Variants in PDE10A observed in about 807,000 individuals in gnomAD.
The protein encoded by PDE10A is cAMP and cAMP-inhibited cGMP 3',5'-cyclic phosphodiesterase 10A.
A neutral mutation model predicts 97.7 loss-of-function variants in PDE10A; 39 were observed. That is an observed-to-expected ratio of 0.40 (90% CI 0.31 to 0.52). PDE10A has a LOEUF of 0.52. Among genes scored for constraint, PDE10A ranks in the 20% least tolerant of loss-of-function variants. The pLI is 0.56. For missense variants in PDE10A, 731 were observed against 1,047.8 expected (o/e 0.70, Z 4.17); for synonymous variants, 371 against 376.8 (o/e 0.98, Z 0.18).
At chr6:165,475,220 A>G (rs956899707) in intron 3 of PDE10A, among the ~76,000 whole-genome samples, 4 of 152,208 alleles carry the variant, frequency 2.6e-5, no homozygotes, top group African/African-American at 9.6e-5. Context: ...CTATAACAAA[A>G]CTGATTATAA....
chr6:165,789,680 G>A (rs1187005172), intron 1 of PDE10A, among the ~76,000 whole-genome samples: 4 of 152,172 alleles, frequency 2.6e-5, no homozygotes, highest in East Asian at 1.9e-4. Flanking sequence ...ATGAATTCCC[G>A]TGATAACAAA....
chr6:165,462,031 G>C (rs1374327696), intron 3 of PDE10A, among the ~76,000 whole-genome samples: 1 of 152,236 alleles, frequency 6.6e-6, no homozygotes, highest in Non-Finnish European at 1.5e-5. Flanking sequence ...CCAATCAGGA[G>C]AGTCTTCTGC....
intron 18 of PDE10A, among the ~76,000 whole-genome samples, chr6:165,367,377 C>A (rs1783848341): frequency 6.6e-6 from 1 of 151,744 alleles, no homozygotes; most frequent in South Asian, 2.1e-4. Flanking sequence ...ATACACAAAC[C>A]ATTACCAGTG....
chr6:165,925,357 T>C (rs1035250920), intron 1 of PDE10A, among the ~76,000 whole-genome samples: 3 of 152,208 alleles, frequency 2.0e-5, no homozygotes, highest in African/African-American at 7.2e-5. Context: ...ACCATGCACT[T>C]ACCCTAAGAC....
intron 1 of PDE10A, among the ~76,000 whole-genome samples, chr6:165,777,888 C>T (rs1046543843): frequency 1.3e-5 from 2 of 152,046 alleles, no homozygotes; most frequent in African/African-American, 4.8e-5. Flanking sequence ...TGCCTCTGCC[C>T]CCTAGAGGGC....
At chr6:165,877,030 A>G (rs965604105) in intron 1 of PDE10A, among the ~76,000 whole-genome samples, 1 of 152,200 alleles carries the variant, frequency 6.6e-6, no homozygotes, top group Non-Finnish European at 1.5e-5. Flanking sequence ...TTAGAGCACT[A>G]ATAACCTGGA....
intron 1 of PDE10A, among the ~76,000 whole-genome samples, chr6:165,924,493 T>G (rs968119824): frequency 6.6e-6 from 1 of 152,188 alleles, no homozygotes; most frequent in African/African-American, 2.4e-5. Flanking sequence ...GTGTGTACCA[T>G]TCATGGTCTC....
chr6:165,848,243 C>G (rs1006690610), intron 1 of PDE10A, among the ~76,000 whole-genome samples: 1 of 152,188 alleles, frequency 6.6e-6, no homozygotes, highest in African/African-American at 2.4e-5. Context: ...GTTCTGCGCA[C>G]TGGGACCAGG....
chr6:165,598,131 C>A (rs935070068), intron 1 of PDE10A, among the ~76,000 whole-genome samples: 4 of 152,174 alleles, frequency 2.6e-5, no homozygotes, highest in African/African-American at 9.7e-5. Context: ...AAAAAAACCC[C>A]AAACCTGTCA....
chr6:165,364,754 T>C (rs1783654232), intron 18 of PDE10A, among the ~76,000 whole-genome samples: 1 of 152,166 alleles, frequency 6.6e-6, no homozygotes, highest in South Asian at 2.1e-4. Flanking sequence ...AACTTAATAG[T>C]TATATTCTTT....
chr6:165,809,649 C>CCT (rs1779226861), intron 1 of PDE10A, among the ~76,000 whole-genome samples: 1 of 152,164 alleles, frequency 6.6e-6, no homozygotes. Context: ...CTCCAAAAAG[C>CCT]CTAGTGAGTG....
At chr6:165,336,903 C>T (rs1366259784) in intron 20 of PDE10A, among the ~76,000 whole-genome samples, 5 of 152,092 alleles carry the variant, frequency 3.3e-5, no homozygotes, top group Admixed American at 2.6e-4. Flanking sequence ...GACACTTCAA[C>T]GTAAAGCCTG....
intron 1 of PDE10A, among the ~76,000 whole-genome samples, chr6:165,875,734 T>TTTTTTG (rs549023818): frequency 8.2e-6 from 1 of 121,692 alleles, no homozygotes; most frequent in African/African-American, 3.5e-5. Context: ...TTTTACTGTT[T>TTTTTTG]TTTTTTTTTT....
At chr6:165,845,041 T>A (rs1027503703) in intron 1 of PDE10A, among the ~76,000 whole-genome samples, 1 of 152,250 alleles carries the variant, frequency 6.6e-6, no homozygotes, top group African/African-American at 2.4e-5. Context: ...AAGAGCTCTA[T>A]AAAGAAGCGA....
intron 1 of PDE10A, among the ~76,000 whole-genome samples, chr6:165,586,112 GC>G (rs1295757031): frequency 2.6e-5 from 4 of 152,066 alleles, no homozygotes; most frequent in African/African-American, 9.7e-5. Flanking sequence ...CCCACTCCCT[GC>G]CCCCCTTTTG....
At chr6:165,724,849 C>T (rs1219991794) in intron 1 of PDE10A, among the ~76,000 whole-genome samples, 1 of 152,182 alleles carries the variant, frequency 6.6e-6, no homozygotes, top group Non-Finnish European at 1.5e-5. Flanking sequence ...TCCAGTGCAT[C>T]TTCCTCACTA....
intron 2 of PDE10A, among the ~76,000 whole-genome samples, chr6:165,516,177 A>G (rs1403530933): frequency 6.6e-6 from 1 of 152,178 alleles, no homozygotes; most frequent in Non-Finnish European, 1.5e-5. Context: ...GGTCAAGGCC[A>G]TAGCTCCAGC....
intron 13 of PDE10A, among the ~76,000 whole-genome samples, chr6:165,400,720 G>A (rs777160249): frequency 5.3e-5 from 8 of 152,284 alleles, no homozygotes; most frequent in African/African-American, 1.2e-4. Flanking sequence ...TTACCCAAGC[G>A]AGATGAAAGT....
chr6:165,392,615 C>T lies in PDE10A; in HGVS notation c.2454+31G>A, dbSNP rs113960728. 5.7e-3 allele frequency: 9,113 copies of T among 1,594,556 alleles called. 355 individuals are homozygous for T. In the South Asian group the frequency reaches 0.076, roughly 13 times the overall value. On this transcript the variant is annotated intron_variant, in intron 16 of 21. Transcript: ENST00000539869. ...CACAGTATTAAATCCACTGAGGTTA[C>T]GAGAAACAGAGGTAAAGAGTGCACA...
Sources: allele counts gnomAD v4.1 joint callset (sites outside exome capture counted in the v4.1 genomes callset), GRCh38; gene constraint gnomAD v4.1.1; transcripts MANE v1.5; gene names NCBI Gene and HGNC (gene_info 2026-07-23, HGNC 2026-07-21).